ARHGAP24: variants seen among roughly 807,000 people sequenced by gnomAD.
The protein encoded by ARHGAP24 is rho GTPase-activating protein 24.
ARHGAP24 carries 50 observed loss-of-function variants against 76.4 expected under a neutral mutation model. The observed-to-expected ratio is 0.65, with a 90% confidence interval of 0.52 to 0.83. The LOEUF (loss-of-function observed/expected upper bound fraction) is 0.83, where lower values mean the gene tolerates loss of function less well. Ranked by LOEUF, ARHGAP24 falls within the 40% of genes least tolerant of loss-of-function variation. The probability of loss-of-function intolerance (pLI) is 0.00; values close to 1 mark genes in which losing one functional copy is unlikely to be tolerated. For missense variants in ARHGAP24, 930 were observed against 914.2 expected, an observed-to-expected ratio of 1.02 and a Z score of -0.22; for synonymous variants, 345 against 323.3, an observed-to-expected ratio of 1.07 and a Z score of -0.72.
At chr4:85,767,648 CA>C (rs1431773541) in intron 3 of ARHGAP24, among the ~76,000 whole-genome samples, 1 of 36,874 alleles carries the variant, frequency 2.7e-5, no homozygotes, top group Non-Finnish European at 5.6e-5. Flanking sequence ...CCCAAAGGGG[CA>C]AATTATTAAA....
In ARHGAP24 at chr4:85,591,115, A is replaced by C. The variant is rs143580690; in HGVS notation, c.180+20394A>C. 7.7e-3 allele frequency among the ~76,000 whole-genome samples: 1,016 copies of C among 132,154 alleles called. 14 individuals carry two copies. The highest frequency in any genetic ancestry group is 0.028 in the African/African-American group (944 of 33,944). 86.7% of individuals were successfully genotyped at this position (132,154 alleles called of 152,430 possible). On this transcript the variant is annotated intron_variant, in intron 2 of 9. Transcript: ENST00000395184. ...GCTGGTGTGCAATGGCACAATTTCA[A>C]CTCACTGCCACCTCTGCCTCCCGGG...
intron 2 of ARHGAP24, among the ~76,000 whole-genome samples, chr4:85,653,004 CT>C (rs1722002874): frequency 6.6e-6 from 1 of 152,042 alleles, no homozygotes; most frequent in Admixed American, 6.6e-5. Context: ...GTTAAGAACT[CT>C]TGAGGCATAT....
At chr4:85,756,409 C>G (rs1009819946) in intron 3 of ARHGAP24, among the ~76,000 whole-genome samples, 3 of 152,182 alleles carry the variant, frequency 2.0e-5, no homozygotes, top group African/African-American at 7.2e-5. Context: ...GATCTCAAAA[C>G]TTTTTGATCA....
chr4:85,693,231 C>T (rs1399634604), intron 2 of ARHGAP24, among the ~76,000 whole-genome samples: 1 of 152,192 alleles, frequency 6.6e-6, no homozygotes, highest in Non-Finnish European at 1.5e-5. Flanking sequence ...ACCCCCATTT[C>T]CATGTCCACT....
rs1483018455 is a variant in ARHGAP24 at position 85,623,718 on chromosome 4, C to T, written c.180+52997C>T. 2.6e-5 allele frequency among the ~76,000 whole-genome samples: 4 copies of T among 151,842 alleles called. No homozygotes were observed. The East Asian group carries it at 5.8e-4, about 22-fold the overall frequency. On this transcript the variant is annotated intron_variant, in intron 2 of 9. Coordinates refer to ENST00000395184, the MANE Select transcript of ARHGAP24 (RefSeq NM_001025616.3). The stretch of plus-strand genomic sequence containing the variant: ...TTTCACGATATTGATTCTTCCTACC[C>T]ATGAGCATGGAATGTTCTTCCATTT...
chr4:85,690,758 G>GTTT (rs57175662), intron 2 of ARHGAP24, among the ~76,000 whole-genome samples: 19 of 130,752 alleles, frequency 1.5e-4, no homozygotes, highest in South Asian at 9.7e-4. Flanking sequence ...TGTCAATCTT[G>GTTT]TTTTTTTTTT....
intron 1 of ARHGAP24, among the ~76,000 whole-genome samples, chr4:85,513,372 T>A (rs909834652): frequency 6.6e-6 from 1 of 152,154 alleles, no homozygotes; most frequent in African/African-American, 2.4e-5. Flanking sequence ...ACATGGGGAT[T>A]CCTGTTTCAG....
chr4:85,824,822 G>T (rs1729636926), intron 3 of ARHGAP24, among the ~76,000 whole-genome samples: 1 of 152,206 alleles, frequency 6.6e-6, no homozygotes, highest in African/African-American at 2.4e-5. Flanking sequence ...CAGGTTGGTA[G>T]CTCATGCCTG....
intron 9 of ARHGAP24, 119 bp from the exon 10 acceptor site, chr4:86,000,360 C>A: frequency 1.2e-6 from 1 of 824,250 alleles, no homozygotes; most frequent in Non-Finnish European, 2.0e-6. Context: ...TTCCAATTTC[C>A]TAAGCATCAT....
intron 2 of ARHGAP24, among the ~76,000 whole-genome samples, chr4:85,619,250 T>C (rs1201733609): frequency 6.6e-6 from 1 of 152,062 alleles, no homozygotes; most frequent in Non-Finnish European, 1.5e-5. Flanking sequence ...GTGCTTGTCA[T>C]CTTTGTGAAA....
At chr4:85,946,506 A>C (rs1280013971) in intron 5 of ARHGAP24, among the ~76,000 whole-genome samples, 1 of 152,132 alleles carries the variant, frequency 6.6e-6, no homozygotes, top group Non-Finnish European at 1.5e-5. Context: ...TTGTATGCCC[A>C]GTATCTGTTG....
chr4:85,536,573 G>A (rs999706814), intron 1 of ARHGAP24, among the ~76,000 whole-genome samples: 8 of 152,040 alleles, frequency 5.3e-5, no homozygotes, highest in Non-Finnish European at 1.2e-4. Flanking sequence ...ATGGCTGTTG[G>A]AGTGATTTAA....
At chr4:85,855,208 A>G (rs1357010538) in intron 3 of ARHGAP24, among the ~76,000 whole-genome samples, 1 of 152,198 alleles carries the variant, frequency 6.6e-6, no homozygotes, top group African/African-American at 2.4e-5. Flanking sequence ...CTGTGTGTAC[A>G]TTAGAAAGTC....
At chr4:85,845,905 CTTTTTCT>C (rs745349661) in intron 3 of ARHGAP24, among the ~76,000 whole-genome samples, 7 of 151,568 alleles carry the variant, frequency 4.6e-5, no homozygotes, top group African/African-American at 9.7e-5. Flanking sequence ...TTTTCTTTTT[CTTTTTCT>C]TTTTTCTTTT....
At chr4:85,559,531 G>A (rs1299898840) in intron 1 of ARHGAP24, among the ~76,000 whole-genome samples, 1 of 152,102 alleles carries the variant, frequency 6.6e-6, no homozygotes, top group Non-Finnish European at 1.5e-5. Flanking sequence ...TTGTATATTT[G>A]GACCAACATC....
intron 1 of ARHGAP24, among the ~76,000 whole-genome samples, chr4:85,560,291 C>G (rs2110134952): frequency 6.6e-6 from 1 of 151,798 alleles, no homozygotes; most frequent in East Asian, 1.9e-4. Flanking sequence ...AATTTTCTCT[C>G]TAGTTGAATT....
At chr4:85,638,323 G>A (rs1414256239) in intron 2 of ARHGAP24, among the ~76,000 whole-genome samples, 2 of 152,060 alleles carry the variant, frequency 1.3e-5, no homozygotes, top group Non-Finnish European at 2.9e-5. Flanking sequence ...TGACTTACTG[G>A]TTTTAGTTCA....
At chr4:85,800,447 A>G (rs1728528663) in intron 3 of ARHGAP24, among the ~76,000 whole-genome samples, 1 of 152,126 alleles carries the variant, frequency 6.6e-6, no homozygotes. Flanking sequence ...CAAATGGTAA[A>G]ATAGCAAAAT....
intron 3 of ARHGAP24, among the ~76,000 whole-genome samples, chr4:85,854,756 G>A (rs1413395758): frequency 2.0e-5 from 3 of 152,096 alleles, no homozygotes. Flanking sequence ...TTAATCCCTG[G>A]AATACTGCCA....
Sources: allele counts gnomAD v4.1 joint callset (sites outside exome capture counted in the v4.1 genomes callset), GRCh38; gene constraint gnomAD v4.1.1; transcripts MANE v1.5; gene names NCBI Gene and HGNC (gene_info 2026-07-23, HGNC 2026-07-21).